Variants in FUT8 observed in about 807,000 individuals in gnomAD.
FUT8 encodes fucosyltransferase 8.
A neutral mutation model predicts 71.3 loss-of-function variants in FUT8; 29 were observed. That is an observed-to-expected ratio of 0.41 (90% confidence interval 0.30 to 0.55). FUT8 has a LOEUF of 0.55. Among genes scored for constraint, FUT8 ranks in the 20% least tolerant of loss-of-function variants. The pLI, the probability that FUT8 is intolerant of heterozygous loss-of-function variation, is 0.34. For missense variants in FUT8, 544 were observed against 702.1 expected, an observed-to-expected ratio of 0.77 and a Z score of 2.55; for synonymous variants, 254 against 239.3, an observed-to-expected ratio of 1.06 and a Z score of -0.57.
chr14:65,600,634 T>C (rs1888244565), intron 3 of FUT8, among the ~76,000 whole-genome samples: 1 of 152,194 alleles, frequency 6.6e-6, no homozygotes, highest in Non-Finnish European at 1.5e-5. Context: ...TAAGACGATA[T>C]TTGTAGTAAC....
At chr14:65,539,076 G>A (rs1884521940) in intron 2 of FUT8, among the ~76,000 whole-genome samples, 1 of 152,164 alleles carries the variant, frequency 6.6e-6, no homozygotes, top group Admixed American at 6.5e-5. Flanking sequence ...GATATTAGTT[G>A]TTACTCATTT....
chr14:65,566,357 A>G (rs573251607), intron 3 of FUT8, among the ~76,000 whole-genome samples: 21 of 152,134 alleles, frequency 1.4e-4, no homozygotes, highest in African/African-American at 5.1e-4. Flanking sequence ...AGAAATAGAT[A>G]CTGCATCTTG....
At chr14:65,559,960 A>G (rs949537660) in intron 2 of FUT8, among the ~76,000 whole-genome samples, 1 of 152,166 alleles carries the variant, frequency 6.6e-6, no homozygotes, top group African/African-American at 2.4e-5. Flanking sequence ...AGCAAGTACA[A>G]TTCTTTTCAT....
chr14:65,656,772 C>T (rs1334250940), intron 6 of FUT8, among the ~76,000 whole-genome samples: 3 of 152,140 alleles, frequency 2.0e-5, no homozygotes, highest in Non-Finnish European at 2.9e-5. Context: ...TACTACAGAG[C>T]TATAGTAACC....
intron 3 of FUT8, among the ~76,000 whole-genome samples, chr14:65,577,926 GC>G (rs1292773086): frequency 6.6e-6 from 1 of 151,850 alleles, no homozygotes; most frequent in East Asian, 1.9e-4. Context: ...AATTATAATT[GC>G]CCACCCTGAG....
At chr14:65,500,129 T>TA (rs1481301292) in intron 2 of FUT8, among the ~76,000 whole-genome samples, 1 of 152,236 alleles carries the variant, frequency 6.6e-6, no homozygotes, top group Non-Finnish European at 1.5e-5. Context: ...GATGAGATGT[T>TA]ACCTTTCCAA....
At chr14:65,654,382 A>G (rs1168703050) in intron 6 of FUT8, among the ~76,000 whole-genome samples, 1 of 152,198 alleles carries the variant, frequency 6.6e-6, no homozygotes, top group Non-Finnish European at 1.5e-5. Flanking sequence ...TGAGGTCAGG[A>G]GTTGGAGACC....
the FUT8 span, among the ~76,000 whole-genome samples, chr14:65,365,605 T>C: frequency 1.3e-5 from 2 of 152,102 alleles, no homozygotes; most frequent in Non-Finnish European, 2.9e-5. Context: ...AAAACCAAGA[T>C]GGTGATGAGA....
chr14:65,549,446 C>T (rs1200561842), intron 2 of FUT8, among the ~76,000 whole-genome samples: 1 of 151,516 alleles, frequency 6.6e-6, no homozygotes, highest in African/African-American at 2.4e-5. Flanking sequence ...GCTGTTTTAC[C>T]CTCTAAATTA....
chr14:65,677,154 G>GCGCGCGCGCA (rs1555383288), intron 7 of FUT8, among the ~76,000 whole-genome samples: 1 of 109,334 alleles, frequency 9.1e-6, no homozygotes, highest in Non-Finnish European at 1.8e-5. Flanking sequence ...GTGTGTGTGC[G>GCGCGCGCGCA]CGCGCGCATG....
In FUT8 at chr14:65,617,189, C is replaced by A. The variant is rs758927443; in HGVS notation, c.482+816C>A. On this transcript the variant is annotated intron_variant, in intron 5 of 10. Transcript: ENST00000673929. ...TGAAGAGGAAAAGAATTACCCCATACAAGTAAGAGATTTCATATTTATTAA... is the reference window on the plus strand; with the variant it reads ...TGAAGAGGAAAAGAATTACCCCATAAAAGTAAGAGATTTCATATTTATTAA... 2.6e-6 allele frequency: 4 copies of A among 1,543,144 alleles called. No individual in the cohort carries two copies. The South Asian group carries it at 3.9e-5, about 15-fold the overall frequency.
At chr14:65,486,452 A>T (rs540916831) in intron 2 of FUT8, among the ~76,000 whole-genome samples, 1 of 152,352 alleles carries the variant, frequency 6.6e-6, no homozygotes, top group Non-Finnish European at 1.5e-5. Flanking sequence ...TAGAATACTT[A>T]AGCCTTATTG....
At chr14:65,383,569 C>A in the FUT8 span, among the ~76,000 whole-genome samples, 76 of 152,162 alleles carry the variant, frequency 5.0e-4, no homozygotes, top group African/African-American at 1.8e-3. Flanking sequence ...TGTGCCTGGC[C>A]CCATTGGATT....
chr14:65,527,459 C>T (rs949643198), intron 2 of FUT8, among the ~76,000 whole-genome samples: 2 of 152,036 alleles, frequency 1.3e-5, no homozygotes, highest in Admixed American at 6.6e-5. Context: ...CTAGTTAATC[C>T]TTCGTCTAAT....
intron 6 of FUT8, among the ~76,000 whole-genome samples, chr14:65,639,148 G>A (rs1274591909): frequency 6.6e-6 from 1 of 152,112 alleles, no homozygotes; most frequent in Non-Finnish European, 1.5e-5. Context: ...AAGTGGTAGT[G>A]GATATAGTGG....
chr14:65,500,802 CTG>C (rs775949002), intron 2 of FUT8, among the ~76,000 whole-genome samples: 31 of 152,124 alleles, frequency 2.0e-4, no homozygotes, highest in Non-Finnish European at 2.2e-4. Context: ...ATCTAAAAAT[CTG>C]TGGTTTTCAT....
chr14:65,622,072 CT>C (rs1284331765), intron 5 of FUT8, among the ~76,000 whole-genome samples: 1 of 152,206 alleles, frequency 6.6e-6, no homozygotes, highest in African/African-American at 2.4e-5. Flanking sequence ...GATCCATCTA[CT>C]CCAGCCTCTC....
rs537232107 is a variant in FUT8, at chr14:65,692,995, C to T, written c.835+23515C>T. On this transcript the variant is annotated intron_variant, in intron 7 of 10. Coordinates refer to ENST00000673929, the MANE Select transcript of FUT8 (RefSeq NM_001371533.1). ...CTCGCTTCCTAGATGGGATGGCGGC[C>T]GGGCAGAGATGCTCCTCACTTTCCA... Among the ~76,000 whole-genome samples, 22 of 151,748 alleles carry T rather than the reference C, an allele frequency of 1.4e-4. No individual in the cohort carries two copies. The South Asian group carries it at 3.6e-3, about 25-fold the overall frequency.
At chr14:65,486,369 A>G (rs1220508661) in intron 2 of FUT8, among the ~76,000 whole-genome samples, 2 of 152,224 alleles carry the variant, frequency 1.3e-5, no homozygotes, top group Non-Finnish European at 2.9e-5. Context: ...TAGAGAACGC[A>G]TTGTGATGAA....
Sources: gnomAD v4.1 joint callset for allele counts (sites outside exome capture counted in the v4.1 genomes callset) on GRCh38, gnomAD v4.1.1 for gene constraint, MANE v1.5 for transcripts, NCBI Gene and HGNC (gene_info 2026-07-23, HGNC 2026-07-21) for gene names.